RAB7A: variants seen among roughly 807,000 people sequenced by gnomAD.
The protein encoded by RAB7A is RAB7A, member RAS oncogene family.
A neutral mutation model predicts 24.5 loss-of-function variants in RAB7A; 2 were observed. The ratio of observed to expected loss-of-function variants is 0.08; its 90% CI spans 0.03 to 0.26. RAB7A has a LOEUF of 0.26. RAB7A is among the 10% of genes least tolerant of loss of function. The pLI is 1.00. For missense variants in RAB7A, 118 were observed against 255.7 expected, an observed-to-expected ratio of 0.46 and a Z score of 3.67; for synonymous variants, 100 against 95.9, an observed-to-expected ratio of 1.04 and a Z score of -0.25.
At chr3:128,771,386 A>G (rs777379652) in intron 1 of RAB7A, among the ~76,000 whole-genome samples, 1 of 152,240 alleles carries the variant, frequency 6.6e-6, no homozygotes, top group East Asian at 1.9e-4. Flanking sequence ...AAAGAATTCT[A>G]TAGCACTGTG....
chr3:128,760,114 G>A (rs1368298144), intron 1 of RAB7A, among the ~76,000 whole-genome samples: 7 of 152,294 alleles, frequency 4.6e-5, no homozygotes, highest in African/African-American at 1.4e-4. Context: ...ATGAGATTTG[G>A]TGGACTGAGT....
Position 128,763,055 on chromosome 3 carries a change from A to T in RAB7A, c.-8-32305A>T, listed in dbSNP as rs200973393. On this transcript the variant is annotated intron_variant, in intron 1 of 5. Coordinates refer to ENST00000265062, the MANE Select transcript of RAB7A (RefSeq NM_004637.6). ...ATTATCTTTAGTTTTGGAAAGATCA[A>T]GCCAGTTGTCCTAACAGAGTGTCCC... 6.6e-5 allele frequency among the ~76,000 whole-genome samples: 10 copies of T among 151,970 alleles called. No individual in the cohort carries two copies. The East Asian group carries it at 1.5e-3, about 24-fold the overall frequency.
At chr3:128,809,264 G>C (rs2107616785) in intron 5 of RAB7A, among the ~76,000 whole-genome samples, 1 of 152,270 alleles carries the variant, frequency 6.6e-6, no homozygotes, top group South Asian at 2.1e-4. Flanking sequence ...AGGGTGCCAG[G>C]TTGCTTTCCC....
intron 1 of RAB7A, among the ~76,000 whole-genome samples, chr3:128,733,130 A>C (rs1470724360): frequency 3.9e-5 from 6 of 152,240 alleles, no homozygotes; most frequent in African/African-American, 2.4e-5. Flanking sequence ...ATATACAGAA[A>C]AGTGCACAAA....
chr3:128,771,631 A>G (rs1932936507), intron 1 of RAB7A, among the ~76,000 whole-genome samples: 1 of 152,252 alleles, frequency 6.6e-6, no homozygotes, highest in Non-Finnish European at 1.5e-5. Context: ...GGGATTTAGT[A>G]GAAGGCTGAA....
At chr3:128,771,457 T>C (rs998068201) in intron 1 of RAB7A, among the ~76,000 whole-genome samples, 10 of 152,236 alleles carry the variant, frequency 6.6e-5, no homozygotes, top group Non-Finnish European at 1.5e-4. Context: ...GTAACCAGCA[T>C]TGGTTCCAGG....
chr3:128,784,467 G>A (rs773688835), intron 1 of RAB7A, among the ~76,000 whole-genome samples: 2 of 152,196 alleles, frequency 1.3e-5, no homozygotes, highest in East Asian at 1.9e-4. Flanking sequence ...ACTGTCCACC[G>A]CAGGGTCTCC....
At chr3:128,762,995 A>T (rs867553774) in intron 1 of RAB7A, among the ~76,000 whole-genome samples, 2 of 150,822 alleles carry the variant, frequency 1.3e-5, no homozygotes, top group African/African-American at 5.0e-5. Context: ...AAGTCCTTTA[A>T]TCTAGAATGT....
chr3:128,797,911 GACTTAT>G (rs1470490269), intron 2 of RAB7A, 26 bp from the exon 3 acceptor site: 56 of 1,610,192 alleles, frequency 3.5e-5, no homozygotes, highest in Non-Finnish European at 4.8e-5. Flanking sequence ...CCTCCTATTT[GACTTAT>G]ACTTATGGTT....
rs1182740626 is a variant in RAB7A at position 128,797,798 on chromosome 3, G to T, written c.54-145G>T. On this transcript the variant is annotated intron_variant, in intron 2 of 5. Transcript: ENST00000265062. The stretch of plus-strand genomic sequence containing the variant: ...ACAAAACTTCAAAAGTGTAATGCTC[G>T]GAAGGCTACTGGCATTGCCCTTTGC... 8.1e-6 allele frequency: 7 copies of T among 863,136 alleles called. No homozygotes were observed. The African/African-American group carries it at 1.0e-4, about 12-fold the overall frequency. 53.5% of individuals were successfully genotyped at this position (863,136 alleles called of 1,614,324 possible). A position where few individuals can be genotyped will look rare whatever the true frequency, so the allele number is the denominator to read the frequency against.
At chr3:128,766,519 C>A (rs1310742380) in intron 1 of RAB7A, among the ~76,000 whole-genome samples, 1 of 152,080 alleles carries the variant, frequency 6.6e-6, no homozygotes, top group Non-Finnish European at 1.5e-5. Flanking sequence ...AAATAAAAAT[C>A]AAAAGTCGAC....
At chr3:128,770,421 C>A (rs2070874371) in intron 1 of RAB7A, among the ~76,000 whole-genome samples, 2 of 152,178 alleles carry the variant, frequency 1.3e-5, no homozygotes, top group South Asian at 2.1e-4. Flanking sequence ...GGCCTCCTGT[C>A]ATTTTTGTTT....
intron 1 of RAB7A, among the ~76,000 whole-genome samples, chr3:128,775,539 C>G (rs1016132082): frequency 1.3e-5 from 2 of 152,136 alleles, no homozygotes; most frequent in African/African-American, 4.8e-5. Context: ...TAAGTTTTCT[C>G]CATTTGTCCT....
At chr3:128,753,910 T>G (rs1161921773) in intron 1 of RAB7A, among the ~76,000 whole-genome samples, 4 of 152,052 alleles carry the variant, frequency 2.6e-5, no homozygotes, top group African/African-American at 9.7e-5. Context: ...AGTGCTGTGG[T>G]TACAGGTGTG....
chr3:128,770,090 C>T (rs1043179254), intron 1 of RAB7A, among the ~76,000 whole-genome samples: 7 of 151,406 alleles, frequency 4.6e-5, no homozygotes, highest in African/African-American at 2.4e-5. Flanking sequence ...GCAACCTTTG[C>T]CTTCTGGGTT....
intron 3 of RAB7A, 39 bp from the exon 4 acceptor site, chr3:128,806,333 T>C (rs1025517413): frequency 3.2e-6 from 5 of 1,570,966 alleles, no homozygotes; most frequent in Non-Finnish European, 4.4e-6. Flanking sequence ...GTGCTCTGCC[T>C]AGCATTCTCC....
chr3:128,738,024 CT>C (rs1156495671), intron 1 of RAB7A, among the ~76,000 whole-genome samples: 1 of 150,444 alleles, frequency 6.6e-6, no homozygotes, highest in African/African-American at 2.4e-5. Flanking sequence ...AGGATTTGTT[CT>C]TGTTTTTATT....
At chr3:128,770,607 A>T (rs759358432) in intron 1 of RAB7A, among the ~76,000 whole-genome samples, 3 of 152,184 alleles carry the variant, frequency 2.0e-5, no homozygotes, top group African/African-American at 7.2e-5. Flanking sequence ...ACAAAAGTAC[A>T]TCATCAGTTG....
intron 1 of RAB7A, among the ~76,000 whole-genome samples, chr3:128,782,045 C>T (rs1023075284): frequency 3.7e-4 from 57 of 152,170 alleles, no homozygotes; most frequent in African/African-American, 1.3e-3. Flanking sequence ...ATCCTAAAAC[C>T]GGAAGGTTGG....
Sources: gnomAD v4.1 joint callset for allele counts (sites outside exome capture counted in the v4.1 genomes callset) on GRCh38, gnomAD v4.1.1 for gene constraint, MANE v1.5 for transcripts, NCBI Gene and HGNC (gene_info 2026-07-23, HGNC 2026-07-21) for gene names.